Variants in CDC14B observed in about 807,000 individuals in gnomAD.
The protein encoded by CDC14B is dual specificity protein phosphatase CDC14B.
A neutral mutation model predicts 64.2 loss-of-function variants in CDC14B; 22 were observed. That is an observed-to-expected ratio of 0.34 (90% CI 0.24 to 0.49). The LOEUF (loss-of-function observed/expected upper bound fraction) is 0.49. Among genes scored for constraint, CDC14B ranks in the 20% least tolerant of loss-of-function variants. The pLI, the probability that CDC14B is intolerant of heterozygous loss-of-function variation, is 0.99. For missense variants in CDC14B, 498 were observed against 629.9 expected, an observed-to-expected ratio of 0.79 and a Z score of 2.24; for synonymous variants, 191 against 215.8, an observed-to-expected ratio of 0.89 and a Z score of 1.01.
rs76871023 is a variant in CDC14B at position 96,571,503 on chromosome 9, C to A, written c.161-6020G>T. On this transcript the variant is annotated intron_variant, in intron 1 of 13. Transcript: ENST00000375241. ...ATGAATAATTTTATAATTTAACACA[C>A]AGAATTTTAAAGTGTGACAAAAAAC... is the stretch of plus-strand genomic sequence containing the variant. Among the ~76,000 whole-genome samples, 1,054 of 152,000 alleles carry A rather than the reference C, an allele frequency of 6.9e-3. 16 individuals are homozygous for A. The highest frequency in any genetic ancestry group is 0.024 in the African/African-American group (980 of 41,438).
intron 1 of CDC14B, among the ~76,000 whole-genome samples, chr9:96,592,506 C>T (rs1444163860): frequency 1.3e-5 from 2 of 152,160 alleles, no homozygotes; most frequent in African/African-American, 2.4e-5. Context: ...CCAGGCACAG[C>T]GGCTCACGCC....
chr9:96,538,095 A>T (rs1047561488), intron 7 of CDC14B, among the ~76,000 whole-genome samples: 5 of 152,192 alleles, frequency 3.3e-5, no homozygotes, highest in Non-Finnish European at 5.9e-5. Context: ...GACAAACCGA[A>T]GGTTATGGCA....
intron 1 of CDC14B, among the ~76,000 whole-genome samples, chr9:96,600,864 G>A (rs1340060680): frequency 6.6e-6 from 1 of 152,076 alleles, no homozygotes; most frequent in African/African-American, 2.4e-5. Context: ...TAGGGATGGT[G>A]TCCACAACTC....
chr9:96,520,649 T>A (rs1286653345), intron 12 of CDC14B, among the ~76,000 whole-genome samples: 1 of 152,194 alleles, frequency 6.6e-6, no homozygotes, highest in Non-Finnish European at 1.5e-5. Flanking sequence ...GGCAACAAAA[T>A]ATTAAAACAT....
chr9:96,610,477 C>T (rs543816960), intron 1 of CDC14B, among the ~76,000 whole-genome samples: 258 of 152,112 alleles, frequency 1.7e-3, no homozygotes, highest in Non-Finnish European at 2.7e-3. Context: ...GGATTACAGG[C>T]GTGAGCCACC....
chr9:96,566,126 G>A (rs1451109224), intron 1 of CDC14B, among the ~76,000 whole-genome samples: 1 of 152,154 alleles, frequency 6.6e-6, no homozygotes, highest in Non-Finnish European at 1.5e-5. Context: ...ATGCAGTTAG[G>A]CTGCTGTGAG....
chr9:96,539,128 C>A lies in CDC14B; in HGVS notation c.577G>T (p.Gly193Cys). 3.7e-6 allele frequency: 6 copies of A among 1,605,858 alleles called. No individual in the cohort carries two copies. Among genetic ancestry groups the A allele is most frequent in the Non-Finnish European group, 5.1e-6 (6 of 1,172,904 alleles). Residue 193 changes from glycine to cysteine, a missense_variant, in exon 7 of 14, where the codon GGC becomes TGC. Coordinates refer to ENST00000375241, the MANE Select transcript of CDC14B (RefSeq NM_033331.4). ...TTAAATGAGTTGAAATTAAGGAAGC[C>A]ATACTGCATTGCCTAAAATCCAAAA... is the stretch of plus-strand genomic sequence containing the variant. ...FHAVKKAMQYGFLNFNSFNLD... is the reference protein window; with the variant it reads ...FHAVKKAMQYCFLNFNSFNLD...
At chr9:96,616,417 G>A (rs1267079801) in intron 1 of CDC14B, among the ~76,000 whole-genome samples, 3 of 151,784 alleles carry the variant, frequency 2.0e-5, no homozygotes, top group Non-Finnish European at 4.4e-5. Context: ...ATTACCAAGG[G>A]AGGAAGACTC....
At chr9:96,602,831 G>A (rs189298193) in intron 1 of CDC14B, among the ~76,000 whole-genome samples, 83 of 152,022 alleles carry the variant, frequency 5.5e-4, no homozygotes, top group Admixed American at 1.2e-3. Flanking sequence ...CTCTCTCTGC[G>A]TTCTTTTTTT....
At chr9:96,558,223 C>T (rs1842737425) in intron 4 of CDC14B, among the ~76,000 whole-genome samples, 1 of 152,110 alleles carries the variant, frequency 6.6e-6, no homozygotes, top group Non-Finnish European at 1.5e-5. Flanking sequence ...TGAACAAGTT[C>T]TAGTGTTAGA....
chr9:96,558,223 C>G (rs1842737425), intron 4 of CDC14B, among the ~76,000 whole-genome samples: 1 of 152,110 alleles, frequency 6.6e-6, no homozygotes, highest in Admixed American at 6.5e-5. Flanking sequence ...TGAACAAGTT[C>G]TAGTGTTAGA....
At chr9:96,496,567 G>A (rs1433491269), downstream of CDC14B, among the ~76,000 whole-genome samples, 2 of 152,250 alleles carry the variant, frequency 1.3e-5, no homozygotes, top group Non-Finnish European at 2.9e-5. Context: ...TGGACACTCC[G>A]CGGCTACTTA....
At chr9:96,495,407 C>G (rs992875750), downstream of CDC14B, among the ~76,000 whole-genome samples, 6 of 144,062 alleles carry the variant, frequency 4.2e-5, no homozygotes, top group Non-Finnish European at 7.6e-5. Context: ...CCCCGCCCCC[C>G]GCCCCTGCCC....
intron 1 of CDC14B, among the ~76,000 whole-genome samples, chr9:96,616,905 CTCTGTA>C (rs996980213): frequency 6.6e-6 from 1 of 152,152 alleles, no homozygotes; most frequent in Non-Finnish European, 1.5e-5. Context: ...GTAATCTGAA[CTCTGTA>C]TCTGAAGATA....
At position 96,565,480 on chromosome 9, in the gene CDC14B, C is replaced by A. The variant is rs752567723; in HGVS notation, c.164G>T (p.Arg55Leu). 1 of 1,605,880 alleles carries A rather than the reference C, an allele frequency of 6.2e-7. No individual in the cohort carries two copies. The highest frequency in any genetic ancestry group is 2.2e-5 in the East Asian group (1 of 44,756). Reference sequence around the variant, plus strand: ...GCTGTAGAGAATGGCAAAACAAAGGCGATCTGAAATGGAAAAATTGCAATG... The same window carrying A: ...GCTGTAGAGAATGGCAAAACAAAGGAGATCTGAAATGGAAAAATTGCAATG... The part of the protein sequence containing the change: ...QDDVYLDITD[R>L]LCFAILYSRP... Residue 55 changes from arginine to leucine, a missense_variant, in exon 2 of 14, where the codon CGC becomes CTC. Transcript: ENST00000375241.
At chr9:96,539,179 A>G in intron 6 of CDC14B, 39 bp from the exon 7 acceptor site, 1 of 1,406,560 alleles carries the variant, frequency 7.1e-7, no homozygotes. Flanking sequence ...CAAGGATGCA[A>G]ATAAGAAAAC....
intron 1 of CDC14B, among the ~76,000 whole-genome samples, chr9:96,586,833 T>C (rs1293746690): frequency 6.6e-6 from 1 of 151,804 alleles, no homozygotes; most frequent in African/African-American, 2.4e-5. Context: ...CCATTCCCTA[T>C]ATTCTATCAA....
At chr9:96,611,997 T>C (rs1018123219) in intron 1 of CDC14B, among the ~76,000 whole-genome samples, 2 of 152,222 alleles carry the variant, frequency 1.3e-5, no homozygotes, top group East Asian at 3.8e-4. Flanking sequence ...CAATTTAATA[T>C]TAGGCAATAT....
At chr9:96,617,601 T>C (rs902274994) in intron 1 of CDC14B, among the ~76,000 whole-genome samples, 1 of 152,108 alleles carries the variant, frequency 6.6e-6, no homozygotes, top group Non-Finnish European at 1.5e-5. Flanking sequence ...CAAAACAACA[T>C]GTGTGCTACT....
Sources: allele counts gnomAD v4.1 joint callset (sites outside exome capture counted in the v4.1 genomes callset), GRCh38; gene constraint gnomAD v4.1.1; transcripts MANE v1.5; gene names NCBI Gene and HGNC (gene_info 2026-07-23, HGNC 2026-07-21).